The following CDH23 variants were observed in gnomAD, a reference collection of about 807,000 sequenced individuals.
CDH23 encodes the protein cadherin related 23.
In CDH23, 189 loss-of-function variants were observed where a neutral mutation model predicts 317.1. The observed-to-expected ratio is 0.60, with a 90% CI of 0.53 to 0.67. The LOEUF (loss-of-function observed/expected upper bound fraction) is 0.67, where lower values mean the gene tolerates loss of function less well. CDH23 is among the 30% of genes least tolerant of loss of function. The probability of loss-of-function intolerance (pLI) is 0.00; values close to 1 mark genes in which losing one functional copy is unlikely to be tolerated. For missense variants in CDH23, 4,401 were observed against 4,592.4 expected, an observed-to-expected ratio of 0.96 and a Z score of 1.20; for synonymous variants, 1,839 against 1,876.8, an observed-to-expected ratio of 0.98 and a Z score of 0.52.
At chr10:71,437,812 C>T (rs1185592597) in intron 1 of CDH23, among the ~76,000 whole-genome samples, 2 of 152,190 alleles carry the variant, frequency 1.3e-5, no homozygotes, top group African/African-American at 4.8e-5. Context: ...TCCCTCTTGG[C>T]TGAAACACAT....
intron 11 of CDH23, among the ~76,000 whole-genome samples, chr10:71,639,467 G>T (rs891931472): frequency 1.3e-5 from 2 of 152,190 alleles, no homozygotes; most frequent in African/African-American, 4.8e-5. Flanking sequence ...CTTCTGCCAC[G>T]TGTGGCACAG....
At chr10:71,506,288 A>AAAATCGTGTG (rs1164056570) in intron 3 of CDH23, among the ~76,000 whole-genome samples, 8 of 152,214 alleles carry the variant, frequency 5.3e-5, no homozygotes, top group African/African-American at 1.9e-4. Flanking sequence ...GGAAAGGATG[A>AAAATCGTGTG]AAATCGTGTG....
chr10:71,481,820 C>T (rs903216717), intron 3 of CDH23, among the ~76,000 whole-genome samples: 2 of 152,186 alleles, frequency 1.3e-5, no homozygotes, highest in African/African-American at 4.8e-5. Context: ...CGTGTGGGGT[C>T]CTGTGGGGCA....
chr10:71,547,081 A>C (rs1285410495), intron 6 of CDH23, among the ~76,000 whole-genome samples: 2 of 152,194 alleles, frequency 1.3e-5, no homozygotes, highest in Non-Finnish European at 2.9e-5. Flanking sequence ...TGGAGAGCAG[A>C]CTTGGGCATG....
intron 3 of CDH23, among the ~76,000 whole-genome samples, chr10:71,477,070 G>A (rs1054619557): frequency 4.6e-5 from 7 of 152,158 alleles, no homozygotes; most frequent in Admixed American, 2.6e-4. Context: ...AGGCTCACTT[G>A]GGAGGTCCCA....
intron 9 of CDH23, among the ~76,000 whole-genome samples, chr10:71,610,622 G>A (rs1172504276): frequency 1.3e-5 from 2 of 152,214 alleles, no homozygotes; most frequent in East Asian, 1.9e-4. Flanking sequence ...AAACAGCTTA[G>A]CTCAGTGCCT....
chr10:71,540,081 G>C (rs1014689207), intron 6 of CDH23, among the ~76,000 whole-genome samples: 1 of 152,164 alleles, frequency 6.6e-6, no homozygotes, highest in African/African-American at 2.4e-5. Flanking sequence ...GTCCTGGGTG[G>C]ACCATGACTT....
chr10:71,486,852 G>A (rs1374083170), intron 3 of CDH23, among the ~76,000 whole-genome samples: 4 of 152,148 alleles, frequency 2.6e-5, no homozygotes, highest in African/African-American at 9.7e-5. Flanking sequence ...GGGAGAAGTG[G>A]AGCTGCAATG....
In CDH23 at chr10:71,690,593, C is replaced by T. The variant is rs1475302874; in HGVS notation, c.2176+9C>T. 1.1e-5 allele frequency: 18 copies of T among 1,568,368 alleles called. No homozygotes were observed. Among genetic ancestry groups the T allele is most frequent in the Non-Finnish European group, 1.0e-5 (12 of 1,152,134 alleles). ...GATCAATGCCCGCTCAGGTGAGCCC[C>T]CCCACCCCAAGTACCCTGGTCCTCC... On this transcript the variant is annotated intron_variant, in intron 20 of 69. Coordinates refer to ENST00000224721, the MANE Select transcript of CDH23 (RefSeq NM_022124.6).
chr10:71,513,368 C>G (rs1235499464), intron 6 of CDH23, among the ~76,000 whole-genome samples: 1 of 152,184 alleles, frequency 6.6e-6, no homozygotes, highest in Admixed American at 6.5e-5. Flanking sequence ...AGCTGGGGTA[C>G]TAGCCCAGAG....
intron 6 of CDH23, among the ~76,000 whole-genome samples, chr10:71,566,460 G>A (rs182099010): frequency 3.3e-5 from 5 of 152,164 alleles, no homozygotes; most frequent in Non-Finnish European, 5.9e-5. Flanking sequence ...CCAAGAAACA[G>A]GTTTGGGGAC....
At position 71,799,192 on chromosome 10, in the gene CDH23, C is replaced by T. The variant is rs567929118; in HGVS notation, c.7136C>T (p.Ser2379Phe). 6.2e-6 allele frequency: 10 copies of T among 1,613,930 alleles called. No homozygotes were observed. The highest frequency in any genetic ancestry group is 5.0e-5 in the Admixed American group (3 of 60,018). Reference protein sequence around the residue: ...NFTVRASDNGSPPRAAEIPVY... With the variant: ...NFTVRASDNGFPPRAAEIPVY... The stretch of plus-strand genomic sequence containing the variant: ...ACCGTGAGGGCCTCAGACAACGGGT[C>T]CCCGCCCCGGGCAGCTGAGATCCCT... Residue 2379 changes from serine (S) to phenylalanine (F), a missense_variant, in exon 51 of 70, where the codon TCC (serine) becomes TTC (phenylalanine). By Grantham distance (155) the Ser-to-Phe change is radical. Coordinates refer to ENST00000224721, the MANE Select transcript of CDH23 (RefSeq NM_022124.6).
intron 9 of CDH23, among the ~76,000 whole-genome samples, chr10:71,604,345 A>C (rs531702848): frequency 6.6e-6 from 1 of 152,340 alleles, no homozygotes; most frequent in African/African-American, 2.4e-5. Flanking sequence ...ATGCCCTCAC[A>C]GGAGGAGGCC....
chr10:71,730,595 C>A lies in CDH23; in HGVS notation c.3706C>A (p.Arg1236=). ...TSVIVVQATD[R]DSGDGGLVNY... is the part of the protein sequence containing the mutation. ...AGTCATCGTGGTCCAAGCCACAGACCGAGACTCTGGTGAGGCTGGCAGGAG... is the reference window on the plus strand; with the variant it reads ...AGTCATCGTGGTCCAAGCCACAGACAGAGACTCTGGTGAGGCTGGCAGGAG... The change falls in exon 31 of 70, where the codon CGA becomes AGA. Residue 1236 remains arginine, a synonymous_variant. Coordinates refer to ENST00000224721, the MANE Select transcript of CDH23 (RefSeq NM_022124.6). The A allele has an allele frequency of 6.2e-7, 1 of 1,613,840 alleles. No individual in the cohort carries two copies. Among genetic ancestry groups the A allele is most frequent in the Non-Finnish European group, 8.5e-7 (1 of 1,179,878 alleles).
At chr10:71,806,956 T>G (rs111956819) in intron 57 of CDH23, among the ~76,000 whole-genome samples, 2 of 152,244 alleles carry the variant, frequency 1.3e-5, no homozygotes, top group African/African-American at 4.8e-5. Context: ...TTTTTTCTTC[T>G]TGTGTGCACA....
intron 1 of CDH23, among the ~76,000 whole-genome samples, chr10:71,421,611 T>A (rs1276589032): frequency 6.6e-6 from 1 of 152,216 alleles, no homozygotes; most frequent in Non-Finnish European, 1.5e-5. Context: ...CAATATCAAT[T>A]TACTTATGAT....
Position 71,785,060 on chromosome 10 carries a change from C to G in CDH23, c.5672C>G (p.Thr1891Ser), listed in dbSNP as rs1420578866. ...GCNARLTFNI[T>S]AGNRERAFFI... is the part of the protein sequence containing the mutation. ...AATGCACGCCTCACCTTCAACATCACTGCGGGCAACCGCGAGCGGGCCTTC... is the reference window on the plus strand; with the variant it reads ...AATGCACGCCTCACCTTCAACATCAGTGCGGGCAACCGCGAGCGGGCCTTC... Residue 1891 changes from threonine (T) to serine (S), a missense_variant, in exon 43 of 70, where the codon ACT becomes AGT. Physicochemically the swap from Thr to Ser is moderately conservative, Grantham distance 58 (BLOSUM62 1). This residue lies in a region of CDH23 where 3,068 missense variants were observed against 3,203.3 expected (regional missense o/e 0.96). Coordinates refer to ENST00000224721, the MANE Select transcript of CDH23 (RefSeq NM_022124.6). The G allele has an allele frequency of 1.9e-6, 3 of 1,614,104 alleles. No individual in the cohort carries two copies. In the African/African-American group the frequency reaches 4.0e-5, roughly 21 times the overall value.
intron 38 of CDH23, chr10:71,760,694 T>C (rs1840357126): frequency 1.6e-6 from 1 of 642,732 alleles, no homozygotes; most frequent in Non-Finnish European, 2.8e-6. Flanking sequence ...AGTGGGCTTC[T>C]GGGGATTGCA....
intron 14 of CDH23, among the ~76,000 whole-genome samples, chr10:71,649,852 A>C (rs1254690559): frequency 6.6e-6 from 1 of 152,218 alleles, no homozygotes; most frequent in East Asian, 1.9e-4. Flanking sequence ...AGGCGCTGTT[A>C]TTCTCACTTT....
Sources: gnomAD v4.1 joint callset for allele counts (sites outside exome capture counted in the v4.1 genomes callset) on GRCh38, gnomAD v4.1.1 for gene constraint, gnomAD v4.1.1 regional missense constraint, MANE v1.5 for transcripts, NCBI Gene and HGNC (gene_info 2026-07-23, HGNC 2026-07-21) for gene names.